LY86: variants seen among roughly 807,000 people sequenced by gnomAD.
LY86 encodes lymphocyte antigen 86.
A neutral mutation model predicts 17.3 loss-of-function variants in LY86; 20 were observed. The observed-to-expected ratio is 1.15, with a 90% CI of 0.81 to 1.68. The LOEUF (loss-of-function observed/expected upper bound fraction) is 1.68, where lower values mean the gene tolerates loss of function less well. LY86 is among the 40% of genes most tolerant of loss of function. LY86 has a pLI of 0.00. For missense variants in LY86, 200 were observed against 191.9 expected, an observed-to-expected ratio of 1.04 and a Z score of -0.25; for synonymous variants, 74 against 70.6, an observed-to-expected ratio of 1.05 and a Z score of -0.24.
chr6:6,626,166 G>A (rs1237765130), intron 2 of LY86, 127 bp from the exon 3 acceptor site: 2 of 885,796 alleles, frequency 2.3e-6, no homozygotes, highest in Non-Finnish European at 3.4e-6. Flanking sequence ...GAAGAAAACT[G>A]TTCCCCACAC....
intron 4 of LY86, among the ~76,000 whole-genome samples, chr6:6,652,699 C>T (rs1367554366): frequency 6.6e-6 from 1 of 152,208 alleles, no homozygotes; most frequent in Non-Finnish European, 1.5e-5. Flanking sequence ...AGCAGAAACG[C>T]TGCACTCAGT....
intron 4 of LY86, among the ~76,000 whole-genome samples, chr6:6,650,343 T>TG (rs1762168844): frequency 6.8e-6 from 1 of 147,850 alleles, no homozygotes; most frequent in Admixed American, 6.7e-5. Flanking sequence ...GATAATGGTT[T>TG]TTTTTTTTTT....
chr6:6,653,702 T>C (rs1021806431), intron 4 of LY86, among the ~76,000 whole-genome samples: 1 of 152,224 alleles, frequency 6.6e-6, no homozygotes, highest in African/African-American at 2.4e-5. Flanking sequence ...CCCGGGGTCT[T>C]CTCTGTCTGA....
chr6:6,593,266 C>T (rs1047208242), intron 1 of LY86, among the ~76,000 whole-genome samples: 1 of 152,224 alleles, frequency 6.6e-6, no homozygotes, highest in Non-Finnish European at 1.5e-5. Context: ...TCAAAGCTGA[C>T]AGTGTAGCAT....
intron 1 of LY86, among the ~76,000 whole-genome samples, chr6:6,600,622 A>T (rs1183424681): frequency 9.7e-5 from 13 of 133,936 alleles, no homozygotes; most frequent in African/African-American, 3.9e-4. Context: ...AAAAAAAAAA[A>T]AAAAAAGAAA....
intron 1 of LY86, among the ~76,000 whole-genome samples, chr6:6,617,558 G>C (rs776620703): frequency 6.6e-6 from 1 of 152,200 alleles, no homozygotes; most frequent in Non-Finnish European, 1.5e-5. Flanking sequence ...AGATGATGAA[G>C]TATTATACAT....
chr6:6,623,791 T>A (rs915293485), intron 1 of LY86, among the ~76,000 whole-genome samples: 7 of 152,070 alleles, frequency 4.6e-5, no homozygotes, highest in African/African-American at 1.7e-4. Context: ...CTCTCCTATC[T>A]CCAGTCCAGT....
In LY86 at chr6:6,588,822, C is replaced by A. The variant is rs1363113980; in HGVS notation, c.88C>A (p.His30Asn). The change falls in exon 1 of 5, where the codon CAC becomes AAC. Residue 30 changes from histidine (H) to asparagine (N), a missense_variant. By Grantham distance (68) the His-to-Asn change is moderately conservative. Coordinates refer to ENST00000230568, the MANE Select transcript of LY86 (RefSeq NM_004271.4). Reference protein sequence around the residue: ...GGGGGKAWPTHVVCSDSGLEV... With the variant: ...GGGGGKAWPTNVVCSDSGLEV... Reference sequence around the variant, plus strand: ...CGGCGGTGGGAAAGCCTGGCCCACACACGTGGTCTGTAGCGACAGCGGCTT... The same window carrying A: ...CGGCGGTGGGAAAGCCTGGCCCACAAACGTGGTCTGTAGCGACAGCGGCTT... 1.9e-6 allele frequency: 3 copies of A among 1,614,038 alleles called. No homozygotes were observed. Among genetic ancestry groups the A allele is most frequent in the Non-Finnish European group, 1.7e-6 (2 of 1,180,024 alleles).
At position 6,654,857 on chromosome 6, in the gene LY86, T is replaced by C; in HGVS notation, c.*230T>C. On this transcript the variant is annotated 3_prime_UTR_variant, in exon 5 of 5. Transcript: ENST00000230568. Reference sequence around the variant, plus strand: ...CTGTTTCTAAGGAGCCTCTTGGCAGTCCTTAAGCAGTCTTGAGGGTCCATC... The same window carrying C: ...CTGTTTCTAAGGAGCCTCTTGGCAGCCCTTAAGCAGTCTTGAGGGTCCATC... 1 of 523,934 alleles carries C rather than the reference T, an allele frequency of 1.9e-6. No homozygotes were observed. The highest frequency in any genetic ancestry group is 1.9e-5 in the African/African-American group (1 of 52,176). 32.5% of individuals were successfully genotyped at this position (523,934 alleles called of 1,614,324 possible). A position where few individuals can be genotyped will look rare whatever the true frequency, so the allele number is the denominator to read the frequency against.
At chr6:6,641,565 T>C (rs954352679) in intron 3 of LY86, among the ~76,000 whole-genome samples, 2 of 152,218 alleles carry the variant, frequency 1.3e-5, no homozygotes, top group African/African-American at 4.8e-5. Context: ...ATCCAGGGCA[T>C]GAAAATTCTC....
intron 1 of LY86, 128 bp downstream of exon 1, chr6:6,588,998 C>G: frequency 1.6e-6 from 2 of 1,261,658 alleles, no homozygotes; most frequent in Non-Finnish European, 1.1e-6. Context: ...CTTTCTCCAC[C>G]TGCAGCAGGT....
At chr6:6,619,832 A>T (rs727625) in intron 1 of LY86, among the ~76,000 whole-genome samples, 40,543 of 151,856 alleles carry the variant, frequency 0.27, 5,613 homozygotes, top group East Asian at 0.43. Flanking sequence ...AGAAACAGAG[A>T]GAGAGAAAGG....
At chr6:6,612,444 TGGGGAGTGTTAC>T (rs1275927251) in intron 1 of LY86, among the ~76,000 whole-genome samples, 1 of 152,188 alleles carries the variant, frequency 6.6e-6, no homozygotes, top group Non-Finnish European at 1.5e-5. Flanking sequence ...CAAACCTTCA[TGGGGAGTGTTAC>T]ACTTCATAAA....
intron 1 of LY86, among the ~76,000 whole-genome samples, chr6:6,605,667 G>A (rs1029913808): frequency 6.6e-6 from 1 of 152,254 alleles, no homozygotes; most frequent in African/African-American, 2.4e-5. Context: ...GTCTGGAATT[G>A]ATGGGTTCTT....
At chr6:6,617,679 C>T (rs1761586303) in intron 1 of LY86, among the ~76,000 whole-genome samples, 1 of 152,208 alleles carries the variant, frequency 6.6e-6, no homozygotes, top group Non-Finnish European at 1.5e-5. Flanking sequence ...CATCCTCCAG[C>T]CACTAAGATG....
At chr6:6,649,382 C>CT (rs757942117) in intron 3 of LY86, among the ~76,000 whole-genome samples, 18 of 152,218 alleles carry the variant, frequency 1.2e-4, no homozygotes, top group East Asian at 3.8e-4. Context: ...ACAGAGACTT[C>CT]TTTTTTTCAT....
chr6:6,637,896 T>C (rs766871100), intron 3 of LY86, among the ~76,000 whole-genome samples: 2 of 152,262 alleles, frequency 1.3e-5, no homozygotes, highest in African/African-American at 2.4e-5. Flanking sequence ...GTATTTTGAA[T>C]GTCGTATGAA....
chr6:6,605,453 G>T (rs1425563286), intron 1 of LY86, among the ~76,000 whole-genome samples: 2 of 152,216 alleles, frequency 1.3e-5, no homozygotes, highest in Admixed American at 6.5e-5. Flanking sequence ...CACTCACAGG[G>T]CTGTTACTGG....
chr6:6,643,942 A>C (rs1762074813), intron 3 of LY86, among the ~76,000 whole-genome samples: 1 of 152,256 alleles, frequency 6.6e-6, no homozygotes, highest in Admixed American at 6.5e-5. Flanking sequence ...AAAGGGACTC[A>C]AAATGCTAGG....
Sources: gnomAD v4.1 joint callset for allele counts (sites outside exome capture counted in the v4.1 genomes callset) on GRCh38, gnomAD v4.1.1 for gene constraint, MANE v1.5 for transcripts, NCBI Gene and HGNC (gene_info 2026-07-23, HGNC 2026-07-21) for gene names.